Variants in CFAP61 observed in about 807,000 individuals in gnomAD.
CFAP61 encodes cilia- and flagella-associated protein 61.
Under a neutral mutation model 135.6 loss-of-function variants are expected in CFAP61, and 107 were observed. That is an observed-to-expected ratio of 0.79 (90% CI 0.67 to 0.93). CFAP61 has a LOEUF of 0.93. Ranked by LOEUF, CFAP61 falls within the 40% of genes least tolerant of loss-of-function variation. The probability of loss-of-function intolerance (pLI) is 0.00; values close to 1 mark genes in which losing one functional copy is unlikely to be tolerated. For synonymous variants in CFAP61, 575 were observed against 578.5 expected (o/e 0.99, Z 0.09); for missense variants, 1,507 against 1,556.2 (o/e 0.97, Z 0.53).
intron 9 of CFAP61, among the ~76,000 whole-genome samples, chr20:20,152,207 TA>T (rs1600997763): frequency 6.6e-6 from 1 of 151,632 alleles, no homozygotes; most frequent in East Asian, 1.9e-4. Context: ...CAAGAAATAC[TA>T]AAAAAAGTTC....
At chr20:20,352,947 G>A (rs1361451188) in intron 26 of CFAP61, among the ~76,000 whole-genome samples, 1 of 152,122 alleles carries the variant, frequency 6.6e-6, no homozygotes, top group Non-Finnish European at 1.5e-5. Flanking sequence ...CTGATTTGAT[G>A]TATGATATCC....
intron 21 of CFAP61, among the ~76,000 whole-genome samples, chr20:20,271,541 C>T (rs1296607736): frequency 3.3e-5 from 5 of 152,186 alleles, no homozygotes; most frequent in African/African-American, 9.7e-5. Flanking sequence ...AGAATGACTT[C>T]GGGCTCCTTC....
At chr20:20,204,615 T>C (rs554020709) in intron 17 of CFAP61, among the ~76,000 whole-genome samples, 1 of 152,316 alleles carries the variant, frequency 6.6e-6, no homozygotes, top group Non-Finnish European at 1.5e-5. Flanking sequence ...AGCTTTATTG[T>C]TTCCCAGCCC....
chr20:20,076,317 T>G (rs2046047153), intron 6 of CFAP61, among the ~76,000 whole-genome samples: 1 of 152,248 alleles, frequency 6.6e-6, no homozygotes, highest in South Asian at 2.1e-4. Context: ...CAGCCATATG[T>G]AAGAAGTCTG....
intron 24 of CFAP61, among the ~76,000 whole-genome samples, chr20:20,297,398 T>G (rs1195408937): frequency 6.6e-6 from 1 of 152,138 alleles, no homozygotes; most frequent in Non-Finnish European, 1.5e-5. Flanking sequence ...AAGGCCAAAG[T>G]GAAGGTTCAG....
At chr20:20,352,446 C>A (rs192198853) in intron 26 of CFAP61, among the ~76,000 whole-genome samples, 1 of 152,286 alleles carries the variant, frequency 6.6e-6, no homozygotes, top group Non-Finnish European at 1.5e-5. Flanking sequence ...GGTGGGGACA[C>A]AGAGCCAAAC....
intron 8 of CFAP61, among the ~76,000 whole-genome samples, chr20:20,131,777 C>T (rs2050547439): frequency 6.6e-6 from 1 of 151,594 alleles, no homozygotes; most frequent in African/African-American, 2.4e-5. Context: ...TATAAATATC[C>T]TTCTATTCTT....
intron 23 of CFAP61, 42 bp downstream of exon 23, chr20:20,288,978 T>C: frequency 6.6e-7 from 1 of 1,523,016 alleles, no homozygotes; most frequent in Non-Finnish European, 9.0e-7. Flanking sequence ...AGCCACAGAT[T>C]AGGTATGGCT....
chr20:20,347,711 G>A (rs1040500493), intron 26 of CFAP61, among the ~76,000 whole-genome samples: 7 of 152,068 alleles, frequency 4.6e-5, no homozygotes, highest in Admixed American at 1.3e-4. Context: ...AAGGTGGGCC[G>A]ATCACGAGGT....
At chr20:20,076,556 C>T (rs1029072838) in intron 6 of CFAP61, among the ~76,000 whole-genome samples, 1 of 152,128 alleles carries the variant, frequency 6.6e-6, no homozygotes, top group Non-Finnish European at 1.5e-5. Context: ...AAACCATGAG[C>T]AATGTAGAGT....
intron 2 of CFAP61, among the ~76,000 whole-genome samples, chr20:20,060,060 G>A (rs2044680428): frequency 8.4e-6 from 1 of 118,578 alleles, no homozygotes; most frequent in South Asian, 2.8e-4. Flanking sequence ...AAAAAGATCT[G>A]AAAAATAACA....
intron 3 of CFAP61, among the ~76,000 whole-genome samples, chr20:20,071,729 C>G (rs571173643): frequency 6.6e-6 from 1 of 152,084 alleles, no homozygotes; most frequent in Non-Finnish European, 1.5e-5. Flanking sequence ...ATTCACCCCC[C>G]GTACATGTGT....
At chr20:20,275,690 G>A (rs1258596619) in intron 21 of CFAP61, among the ~76,000 whole-genome samples, 4 of 152,178 alleles carry the variant, frequency 2.6e-5, no homozygotes, top group African/African-American at 7.2e-5. Flanking sequence ...ACTTAAATTC[G>A]TTCAACTGAA....
intron 25 of CFAP61, among the ~76,000 whole-genome samples, chr20:20,313,592 C>T (rs2056949493): frequency 6.6e-6 from 1 of 152,194 alleles, no homozygotes; most frequent in Non-Finnish European, 1.5e-5. Context: ...CGGGTTCTAA[C>T]ATTATACCAG....
intron 26 of CFAP61, among the ~76,000 whole-genome samples, chr20:20,346,282 C>T (rs1156923899): frequency 1.3e-4 from 19 of 148,280 alleles, no homozygotes; most frequent in African/African-American, 3.0e-4. Flanking sequence ...TTTGGGAGGC[C>T]GAGGCAGGTG....
chr20:20,287,017 A>G (rs1449548635), intron 22 of CFAP61, among the ~76,000 whole-genome samples: 2 of 152,196 alleles, frequency 1.3e-5, no homozygotes, highest in African/African-American at 2.4e-5. Flanking sequence ...ATTTAAATTC[A>G]AATCAGATAT....
At chr20:20,218,533 A>G (rs945347457) in intron 17 of CFAP61, among the ~76,000 whole-genome samples, 6 of 152,214 alleles carry the variant, frequency 3.9e-5, no homozygotes, top group Non-Finnish European at 7.3e-5. Context: ...GCACAGCCTA[A>G]ACTACTGACC....
intron 26 of CFAP61, among the ~76,000 whole-genome samples, chr20:20,351,031 C>G (rs2058815478): frequency 6.6e-6 from 1 of 152,072 alleles, no homozygotes. Context: ...AAAGCTTTTC[C>G]TCTAAGATCA....
chr20:20,210,987 G>T (rs140624577), intron 17 of CFAP61, among the ~76,000 whole-genome samples: 87 of 152,218 alleles, frequency 5.7e-4, no homozygotes, highest in African/African-American at 1.9e-3. Context: ...TAAAAAATGG[G>T]TTTTGCCTTC....
Sources: gnomAD v4.1 joint callset for allele counts (sites outside exome capture counted in the v4.1 genomes callset) on GRCh38, gnomAD v4.1.1 for gene constraint, MANE v1.5 for transcripts, NCBI Gene and HGNC (gene_info 2026-07-23, HGNC 2026-07-21) for gene names.